MPPED1: variants seen among roughly 807,000 people sequenced by gnomAD.
MPPED1 encodes the protein metallophosphoesterase domain containing 1, also known as metallophosphoesterase domain-containing protein 1.
Under a neutral mutation model 36.2 loss-of-function variants are expected in MPPED1, and 16 were observed. That is an observed-to-expected ratio of 0.44 (90% CI 0.30 to 0.67). The LOEUF (loss-of-function observed/expected upper bound fraction) is 0.67. MPPED1 is among the 30% of genes least tolerant of loss of function. The pLI, the probability that MPPED1 is intolerant of heterozygous loss-of-function variation, is 0.10. For synonymous variants in MPPED1, 199 were observed against 191.3 expected, an observed-to-expected ratio of 1.04 and a Z score of -0.33; for missense variants, 307 against 453.4, an observed-to-expected ratio of 0.68 and a Z score of 2.93.
chr22:43,412,248 G>C, intron 1 of MPPED1, 90 bp downstream of exon 1: 1 of 818,162 alleles, frequency 1.2e-6, no homozygotes. Context: ...GCTGGGCGAC[G>C]CCCGCGGCGC....
intron 4 of MPPED1, among the ~76,000 whole-genome samples, chr22:43,483,933 C>T (rs959206024): frequency 2.0e-5 from 3 of 152,332 alleles, no homozygotes; most frequent in Non-Finnish European, 2.9e-5. Context: ...CCAGTGGGGG[C>T]CTTTTCTGTT....
chr22:43,431,602 C>G (rs1176533237), intron 2 of MPPED1, among the ~76,000 whole-genome samples: 1 of 152,180 alleles, frequency 6.6e-6, no homozygotes, highest in South Asian at 2.1e-4. Flanking sequence ...GCTGCACCAA[C>G]TCCTGTAGCT....
intron 4 of MPPED1, among the ~76,000 whole-genome samples, chr22:43,488,991 AGTCTCAGACCATGT>A (rs1231816457): frequency 6.6e-6 from 1 of 152,116 alleles, no homozygotes; most frequent in Admixed American, 6.5e-5. Flanking sequence ...GGCATTCGTG[AGTCTCAGACCATGT>A]TGGCAGTGTG....
intron 1 of MPPED1, 129 bp downstream of exon 1, chr22:43,412,287 G>A: frequency 1.8e-6 from 1 of 564,180 alleles, no homozygotes; most frequent in Non-Finnish European, 2.2e-6. Flanking sequence ...AAGTTACTTT[G>A]GCCGCCTTTG....
intron 3 of MPPED1, among the ~76,000 whole-genome samples, chr22:43,453,818 GT>G (rs202231451): frequency 6.7e-6 from 1 of 148,752 alleles, no homozygotes; most frequent in African/African-American, 2.4e-5. Flanking sequence ...GATCATTTTA[GT>G]CTTTTAAAAG....
intron 1 of MPPED1, among the ~76,000 whole-genome samples, chr22:43,421,103 G>A (rs1273513868): frequency 6.6e-6 from 1 of 152,232 alleles, no homozygotes; most frequent in Non-Finnish European, 1.5e-5. Flanking sequence ...CGGGTCCCGG[G>A]GCACCACTGC....
chr22:43,450,390 G>C (rs1233129948), intron 3 of MPPED1, among the ~76,000 whole-genome samples: 2 of 152,234 alleles, frequency 1.3e-5, no homozygotes, highest in African/African-American at 2.4e-5. Flanking sequence ...GCTTTGGAGG[G>C]CTGTTGTGAG....
Position 43,498,273 on chromosome 22 carries a change from G to T in MPPED1, c.671G>T (p.Arg224Leu), listed in dbSNP as rs1194382105. The change falls in exon 5 of 7, where the codon CGA becomes CTA. Residue 224 changes from arginine (R) to leucine (L), a missense_variant. By Grantham distance (102) the Arg-to-Leu change is moderately radical (BLOSUM62 -2). Transcript: ENST00000443721. Reference sequence around the variant, plus strand: ...TACGGCTGGGGCTTCAACCTCCCGCGAGGCCAAGCCCTGCTGGAGAAATGG... The same window carrying T: ...TACGGCTGGGGCTTCAACCTCCCGCTAGGCCAAGCCCTGCTGGAGAAATGG... ...WFYGWGFNLP[R>L]GQALLEKWNL... 1 of 1,535,166 alleles carries T rather than the reference G, an allele frequency of 6.5e-7. No individual in the cohort carries two copies.
intron 1 of MPPED1, among the ~76,000 whole-genome samples, chr22:43,413,292 G>A (rs1432296966): frequency 6.6e-6 from 1 of 152,112 alleles, no homozygotes; most frequent in Non-Finnish European, 1.5e-5. Flanking sequence ...GAATGGCACT[G>A]GGAGACTTGT....
intron 4 of MPPED1, among the ~76,000 whole-genome samples, chr22:43,476,248 T>A (rs1231684615): frequency 6.6e-6 from 1 of 152,088 alleles, no homozygotes; most frequent in Non-Finnish European, 1.5e-5. Context: ...GGCCACAGGG[T>A]GCCCAGTGCT....
chr22:43,457,978 T>C (rs1930814242), intron 3 of MPPED1, among the ~76,000 whole-genome samples: 1 of 152,222 alleles, frequency 6.6e-6, no homozygotes, highest in South Asian at 2.1e-4. Flanking sequence ...TACTTACTTT[T>C]CTATGTTTAG....
intron 1 of MPPED1, chr22:43,419,004 G>A (rs1929170533): frequency 6.6e-6 from 1 of 152,196 alleles, no homozygotes. Flanking sequence ...AACTAGAGGG[G>A]AAGAGACATG....
At chr22:43,494,717 T>TGGTGGTGGTGGTGGC (rs1569088170) in intron 4 of MPPED1, among the ~76,000 whole-genome samples, 1 of 151,162 alleles carries the variant, frequency 6.6e-6, no homozygotes. Flanking sequence ...GTGGTGGTGG[T>TGGTGGTGGTGGTGGC]GGTGGTGATG....
At chr22:43,418,095 G>A (rs1433121108) in intron 1 of MPPED1, 21 of 456,260 alleles carry the variant, frequency 4.6e-5, no homozygotes, top group Non-Finnish European at 6.6e-5. Context: ...AAGAGCTGCC[G>A]ATGAATGGAA....
intron 1 of MPPED1, among the ~76,000 whole-genome samples, chr22:43,415,003 T>A (rs1929027384): frequency 6.6e-6 from 1 of 151,944 alleles, no homozygotes; most frequent in African/African-American, 2.4e-5. Flanking sequence ...ACCAGAAGTG[T>A]CCAACACTTG....
chr22:43,466,044 A>G lies in MPPED1; in HGVS notation c.407-8692A>G, dbSNP rs1176742739. On this transcript the variant is annotated intron_variant, in intron 3 of 6. Coordinates refer to ENST00000443721, the MANE Select transcript of MPPED1 (RefSeq NM_001044370.2). ...CAGAAAACTTTCGGCCTGAAGTCAT[A>G]TGTGCTCTGCAGTAGCAGTGGAAAC... Among the ~76,000 whole-genome samples, 8 of 152,332 alleles carry G rather than the reference A, an allele frequency of 5.3e-5. No homozygotes were observed. The East Asian group carries it at 1.2e-3, about 22-fold the overall frequency.
At chr22:43,434,925 G>C (rs9623837) in intron 2 of MPPED1, 109 bp from the exon 3 acceptor site, 61,404 of 1,212,182 alleles carry the variant, frequency 0.051, 2,650 homozygotes, top group African/African-American at 0.22. Context: ...TGGTGGATCT[G>C]AGCGGGATTG....
chr22:43,454,079 G>A (rs2146857606), intron 3 of MPPED1, among the ~76,000 whole-genome samples: 1 of 150,800 alleles, frequency 6.6e-6, no homozygotes, highest in East Asian at 2.0e-4. Flanking sequence ...TGCGATCTAG[G>A]CTCACTGCAG....
At chr22:43,499,647 G>A (rs1426198675) in intron 5 of MPPED1, among the ~76,000 whole-genome samples, 4 of 106,944 alleles carry the variant, frequency 3.7e-5, no homozygotes, top group Admixed American at 8.9e-5. Context: ...GGTGGTGGTG[G>A]TGGTGATGGG....
Sources: gnomAD v4.1 joint callset for allele counts (sites outside exome capture counted in the v4.1 genomes callset) on GRCh38, gnomAD v4.1.1 for gene constraint, MANE v1.5 for transcripts, NCBI Gene and HGNC (gene_info 2026-07-23, HGNC 2026-07-21) for gene names.